Variants in MAP2 observed in about 807,000 individuals in gnomAD.
MAP2 encodes microtubule-associated protein 2.
A neutral mutation model predicts 137.6 loss-of-function variants in MAP2; 14 were observed. The observed-to-expected ratio is 0.10, with a 90% CI of 0.07 to 0.16. The LOEUF is 0.16. MAP2 is among the 10% of genes least tolerant of loss of function. MAP2 has a pLI of 1.00. For synonymous variants in MAP2, 786 were observed against 782.3 expected (o/e 1.00, Z -0.08); for missense variants, 2,088 against 2,191.5 (o/e 0.95, Z 0.94).
At chr2:209,507,134 T>C (rs898084180) in intron 1 of MAP2, among the ~76,000 whole-genome samples, 11 of 152,092 alleles carry the variant, frequency 7.2e-5, no homozygotes, top group East Asian at 1.9e-4. Flanking sequence ...AAATATCACA[T>C]TGGGGGATTA....
intron 4 of MAP2, among the ~76,000 whole-genome samples, chr2:209,634,541 T>C (rs1449084460): frequency 6.6e-6 from 1 of 152,058 alleles, no homozygotes; most frequent in Non-Finnish European, 1.5e-5. Flanking sequence ...ATCTTGGAAG[T>C]GTACACAGCA....
At chr2:209,646,419 T>C (rs1466681821) in intron 4 of MAP2, among the ~76,000 whole-genome samples, 1 of 152,214 alleles carries the variant, frequency 6.6e-6, no homozygotes, top group East Asian at 1.9e-4. Context: ...AGGAACTCAT[T>C]TAAGTATCTA....
At chr2:209,620,636 T>C (rs1170866568) in intron 3 of MAP2, among the ~76,000 whole-genome samples, 2 of 152,210 alleles carry the variant, frequency 1.3e-5, no homozygotes, top group Admixed American at 6.5e-5. Context: ...AGTAGCATGT[T>C]AGACTAAATG....
intron 3 of MAP2, among the ~76,000 whole-genome samples, chr2:209,614,375 G>A (rs551391492): frequency 6.6e-6 from 1 of 152,180 alleles, no homozygotes; most frequent in African/African-American, 2.4e-5. Flanking sequence ...TATTTATAGG[G>A]AGGCAGCCTC....
intron 3 of MAP2, among the ~76,000 whole-genome samples, chr2:209,622,002 A>G (rs2091321702): frequency 1.3e-5 from 2 of 152,194 alleles, no homozygotes; most frequent in Admixed American, 6.5e-5. Context: ...TGCAGTGTAC[A>G]TCCTATTCTC....
intron 5 of MAP2, 30 bp from the exon 6 acceptor site, chr2:209,678,542 T>C (rs2053037482): frequency 8.6e-7 from 1 of 1,158,424 alleles, no homozygotes; most frequent in East Asian, 2.5e-5. Context: ...TTCTCATCGT[T>C]ATATTTTATT....
chr2:209,699,187 G>T (rs1051886051), intron 10 of MAP2, among the ~76,000 whole-genome samples: 1 of 152,220 alleles, frequency 6.6e-6, no homozygotes, highest in South Asian at 2.1e-4. Flanking sequence ...CGTTTTCACT[G>T]CTTCCTTAAA....
intron 1 of MAP2, among the ~76,000 whole-genome samples, chr2:209,434,145 G>A (rs1695073339): frequency 1.3e-5 from 2 of 151,930 alleles, no homozygotes; most frequent in Admixed American, 6.6e-5. Context: ...TGCATATATT[G>A]CTTATACTAA....
intron 3 of MAP2, among the ~76,000 whole-genome samples, chr2:209,583,147 G>GTCTA (rs3036663): frequency 0.27 from 40,408 of 147,034 alleles, 6,313 homozygotes; most frequent in Admixed American, 0.37. Context: ...CTGTCTGTCT[G>GTCTA]TCTATCTATC....
chr2:209,517,738 G>A (rs201584815), intron 2 of MAP2, among the ~76,000 whole-genome samples: 3 of 151,874 alleles, frequency 2.0e-5, no homozygotes, highest in Admixed American at 6.6e-5. Context: ...ATGACCCCAC[G>A]TGGAAATACA....
intron 2 of MAP2, among the ~76,000 whole-genome samples, chr2:209,574,919 AT>A (rs1276632218): frequency 6.6e-6 from 1 of 152,248 alleles, no homozygotes; most frequent in African/African-American, 2.4e-5. Flanking sequence ...TATTTCTATT[AT>A]AAATTTTTGA....
At chr2:209,690,160 G>A (rs868806068) in intron 7 of MAP2, among the ~76,000 whole-genome samples, 4 of 151,880 alleles carry the variant, frequency 2.6e-5, no homozygotes, top group South Asian at 2.1e-4. Flanking sequence ...CTGCATTGGC[G>A]AAAACAGCAC....
chr2:209,722,511 A>G (rs1291462175), intron 13 of MAP2, among the ~76,000 whole-genome samples: 1 of 151,714 alleles, frequency 6.6e-6, no homozygotes, highest in Non-Finnish European at 1.5e-5. Context: ...AGCATTGAAA[A>G]TGTTGTTTTT....
chr2:209,501,220 A>T (rs2060340755), intron 1 of MAP2, among the ~76,000 whole-genome samples: 1 of 152,138 alleles, frequency 6.6e-6, no homozygotes. Flanking sequence ...TAATTTGAAA[A>T]CTCAAGTGTA....
intron 2 of MAP2, among the ~76,000 whole-genome samples, chr2:209,515,098 T>TA (rs2062282775): frequency 6.6e-6 from 1 of 152,170 alleles, no homozygotes; most frequent in South Asian, 2.1e-4. Flanking sequence ...TTCAGTGTCT[T>TA]ACGGTTATCA....
intron 2 of MAP2, among the ~76,000 whole-genome samples, chr2:209,572,103 A>G (rs894686832): frequency 3.3e-5 from 5 of 152,058 alleles, no homozygotes; most frequent in Non-Finnish European, 7.4e-5. Flanking sequence ...TAAAAAAATC[A>G]TCATACTAAG....
rs369029512 is a variant in MAP2 at position 209,729,832 on chromosome 2, G to T, written c.5156-18G>T. On this transcript the variant is annotated intron_variant, in intron 14 of 15. Transcript: ENST00000682079. ...GAATGCAAGATATAGTTAAATCAAG[G>T]TATTTCTTCCCTCATAGGTGGCGGA... 6.6e-7 allele frequency: 1 copy of T among 1,526,634 alleles called. No individual in the cohort carries two copies. The highest frequency in any genetic ancestry group is 9.1e-7 in the Non-Finnish European group (1 of 1,102,248). 94.6% of individuals were successfully genotyped at this position (1,526,634 alleles called of 1,614,324 possible).
In MAP2 at chr2:209,526,074, T is replaced by G. The variant is rs564593717; in HGVS notation, c.-172+18433T>G. On this transcript the variant is annotated intron_variant, in intron 2 of 15. Transcript: ENST00000682079. ...GTCATGATTTTGATATTTTCAAGCTTAAAAAGCAACACAGAGGAGGTTTGT... is the reference window on the plus strand; with the variant it reads ...GTCATGATTTTGATATTTTCAAGCTGAAAAAGCAACACAGAGGAGGTTTGT... Among the ~76,000 whole-genome samples the G allele has an allele frequency of 3.7e-4, 57 of 152,280 alleles. No individual in the cohort carries two copies. The Middle Eastern group carries it at 0.01, about 27-fold the overall frequency.
intron 1 of MAP2, among the ~76,000 whole-genome samples, chr2:209,453,641 A>T (rs575023125): frequency 1.3e-5 from 2 of 152,202 alleles, no homozygotes; most frequent in Non-Finnish European, 2.9e-5. Flanking sequence ...AAATAAAAAG[A>T]TTACATAATA....
Sources: allele counts gnomAD v4.1 joint callset (sites outside exome capture counted in the v4.1 genomes callset), GRCh38; gene constraint gnomAD v4.1.1; transcripts MANE v1.5; gene names NCBI Gene and HGNC (gene_info 2026-07-23, HGNC 2026-07-21).